ADAMTSL1: variants seen among roughly 807,000 people sequenced by gnomAD.
ADAMTSL1 encodes the protein ADAMTS-like protein 1.
A neutral mutation model predicts 201.8 loss-of-function variants in ADAMTSL1; 126 were observed. The ratio of observed to expected loss-of-function variants is 0.62; its 90% CI spans 0.54 to 0.72. ADAMTSL1 has a LOEUF of 0.72. Ranked by LOEUF, ADAMTSL1 falls within the 30% of genes least tolerant of loss-of-function variation. The probability of loss-of-function intolerance (pLI) is 0.00; values close to 1 mark genes in which losing one functional copy is unlikely to be tolerated. For synonymous variants in ADAMTSL1, 1,121 were observed against 903.4 expected (o/e 1.24, Z -4.32); for missense variants, 2,679 against 2,277.8 (o/e 1.18, Z -3.59).
rs1415106242 is a variant in ADAMTSL1, at chr9:18,706,801, G to C, written c.1629G>C (p.Gln543His). The change falls in exon 14 of 29, where the codon CAG becomes CAC. Residue 543 changes from glutamine to histidine, a missense_variant. By Grantham distance (24) the Gln-to-His change is conservative (BLOSUM62 0). Transcript: ENST00000380548. The stretch of plus-strand genomic sequence containing the variant: ...CAGTCACCTGTGGTGTGGGGACCCA[G>C]GTGCGAATAGTCAGGTGCCAGGTGC... ...ACTVTCGVGT[Q>H]VRIVRCQVLL... 27 of 1,609,194 alleles carry C rather than the reference G, an allele frequency of 1.7e-5. No individual in the cohort carries two copies. Among genetic ancestry groups the C allele is most frequent in the Non-Finnish European group, 2.2e-5 (26 of 1,177,702 alleles).
At chr9:18,644,994 A>G (rs1033416571) in intron 7 of ADAMTSL1, among the ~76,000 whole-genome samples, 15 of 152,198 alleles carry the variant, frequency 9.9e-5, no homozygotes, top group Admixed American at 9.2e-4. Context: ...ACTAGTTTAC[A>G]GTCCCACCAA....
chr9:18,225,566 A>G (rs1291213977), intron 2 of ADAMTSL1, among the ~76,000 whole-genome samples: 2 of 152,144 alleles, frequency 1.3e-5, no homozygotes, highest in Non-Finnish European at 2.9e-5. Flanking sequence ...TTTCATATTT[A>G]AAAGCAATCC....
At chr9:18,254,381 G>T (rs1199190146) in intron 2 of ADAMTSL1, among the ~76,000 whole-genome samples, 4 of 24,416 alleles carry the variant, frequency 1.6e-4, no homozygotes, top group African/African-American at 2.3e-4. Context: ...TTTTTTTTTT[G>T]AGATGGAATC....
intron 26 of ADAMTSL1, among the ~76,000 whole-genome samples, chr9:18,894,411 G>GACTACA (rs1218910341): frequency 2.7e-5 from 4 of 147,266 alleles, no homozygotes; most frequent in Non-Finnish European, 5.9e-5. Context: ...CAAGTGAAAG[G>GACTACA]ACTACAGAAA....
intron 2 of ADAMTSL1, among the ~76,000 whole-genome samples, chr9:18,194,569 C>G (rs767011690): frequency 1.4e-4 from 21 of 152,028 alleles, no homozygotes; most frequent in Non-Finnish European, 2.9e-4. Flanking sequence ...AGTTGAGATT[C>G]CTAAGAGCAA....
At chr9:18,752,948 T>A (rs563318541) in intron 15 of ADAMTSL1, among the ~76,000 whole-genome samples, 8 of 152,350 alleles carry the variant, frequency 5.3e-5, no homozygotes, top group African/African-American at 1.9e-4. Context: ...ATTCAGTATG[T>A]GGTGCCCAAA....
chr9:18,343,016 T>C (rs1835536648), intron 2 of ADAMTSL1, among the ~76,000 whole-genome samples: 2 of 151,878 alleles, frequency 1.3e-5, no homozygotes, highest in South Asian at 4.2e-4. Context: ...CTTTAAAAAA[T>C]GTGGGTTTTT....
At chr9:18,398,222 T>A (rs1817828658) in intron 2 of ADAMTSL1, among the ~76,000 whole-genome samples, 1 of 152,202 alleles carries the variant, frequency 6.6e-6, no homozygotes. Context: ...TGATGCTTCA[T>A]GTAACATATG....
intron 2 of ADAMTSL1, among the ~76,000 whole-genome samples, chr9:18,328,211 C>T (rs1263331726): frequency 6.6e-6 from 1 of 152,210 alleles, no homozygotes; most frequent in Non-Finnish European, 1.5e-5. Context: ...TGTTACTTTT[C>T]ACTGCTGTGG....
rs867886 is a variant in ADAMTSL1, at chr9:18,015,633, A to G, written c.87+108711A>G. Among the ~76,000 whole-genome samples, 225 of 152,108 alleles carry G rather than the reference A, an allele frequency of 1.5e-3. 7 individuals carry two copies. The South Asian group carries it at 0.046, about 31-fold the overall frequency. On this transcript the variant is annotated intron_variant, in intron 1 of 29. Transcript: ENST00000680146. ...TTTACAGTTGATAAAACAGTCTCAG[A>G]ATGTTTAAGGAATTTTTGTAATGTC... is the stretch of plus-strand genomic sequence containing the variant.
intron 1 of ADAMTSL1, among the ~76,000 whole-genome samples, chr9:18,494,314 C>T (rs141418112): frequency 0.012 from 1,768 of 149,680 alleles, 10 homozygotes; most frequent in African/African-American, 0.02. Flanking sequence ...TGAGATCACA[C>T]GACTGCACTC....
In ADAMTSL1 at chr9:18,112,587, T is replaced by C. The variant is rs79795718; in HGVS notation, c.88-51275T>C. ...GCACCCATGTTTTTGTCTCACTGTT[T>C]CCTTTTGGGAGAAACCTAAGATAAT... On this transcript the variant is annotated intron_variant, in intron 1 of 29. Coordinates refer to the ADAMTSL1 transcript ENST00000680146. 1.9e-3 allele frequency among the ~76,000 whole-genome samples: 295 copies of C among 152,196 alleles called. 1 individual carries two copies. In the East Asian group the frequency reaches 0.037, roughly 19 times the overall value.
intron 3 of ADAMTSL1, among the ~76,000 whole-genome samples, chr9:18,555,596 G>A (rs1287087052): frequency 6.6e-6 from 1 of 151,894 alleles, no homozygotes; most frequent in Non-Finnish European, 1.5e-5. Context: ...AAACAACAAT[G>A]TATTAAGTCC....
chr9:17,987,087 T>A (rs1243675586), intron 1 of ADAMTSL1, among the ~76,000 whole-genome samples: 2 of 152,104 alleles, frequency 1.3e-5, no homozygotes, highest in Non-Finnish European at 2.9e-5. Context: ...TTAGTGAGAA[T>A]AACTTCTTTT....
intron 1 of ADAMTSL1, among the ~76,000 whole-genome samples, chr9:18,062,552 C>G (rs1019045208): frequency 6.6e-6 from 1 of 151,932 alleles, no homozygotes; most frequent in East Asian, 1.9e-4. Flanking sequence ...AGACATCTAC[C>G]TTTAACTGTA....
At chr9:18,172,831 G>A (rs1827963813) in intron 2 of ADAMTSL1, among the ~76,000 whole-genome samples, 1 of 151,948 alleles carries the variant, frequency 6.6e-6, no homozygotes. Context: ...AAATATTCAG[G>A]GGGAAGGGAT....
At chr9:18,437,737 A>G (rs1372759513) in intron 2 of ADAMTSL1, among the ~76,000 whole-genome samples, 1 of 152,130 alleles carries the variant, frequency 6.6e-6, no homozygotes, top group Non-Finnish European at 1.5e-5. Context: ...CAGAACAGTG[A>G]TAAGCAAGGC....
Position 18,905,808 on chromosome 9 carries a change from C to T in ADAMTSL1, c.4878C>T (p.His1626=). 6.2e-7 allele frequency: 1 copy of T among 1,613,546 alleles called. No individual in the cohort carries two copies. Among genetic ancestry groups the T allele is most frequent in the Non-Finnish European group, 8.5e-7 (1 of 1,179,756 alleles). The change falls in exon 27 of 29, where the codon CAC becomes CAT. Residue 1626 remains histidine (H), a synonymous_variant. Transcript: ENST00000380548. ...GQCNGPCIGP[H]LAVQHRQVFC... is the part of the protein sequence containing the mutation. ...GCAATGGGCCTTGCATCGGGCCTCA[C>T]CTAGCTGTGCAACACAGACAAGTCT...
chr9:18,030,237 G>A (rs191594890), intron 1 of ADAMTSL1, among the ~76,000 whole-genome samples: 4,587 of 152,262 alleles, frequency 0.03, 111 homozygotes, highest in Non-Finnish European at 0.045. Context: ...ATGAGTTCTT[G>A]TCCTTTGTAG....
Sources: allele counts gnomAD v4.1 joint callset (sites outside exome capture counted in the v4.1 genomes callset), GRCh38; gene constraint gnomAD v4.1.1; transcripts MANE v1.5; gene names NCBI Gene and HGNC (gene_info 2026-07-23, HGNC 2026-07-21).